Variants in SPIRE2 observed in about 807,000 individuals in gnomAD.
The protein encoded by SPIRE2 is protein spire homolog 2.
Under a neutral mutation model 80.7 loss-of-function variants are expected in SPIRE2, and 76 were observed. That is an observed-to-expected ratio of 0.94 (90% CI 0.78 to 1.14). The LOEUF (loss-of-function observed/expected upper bound fraction) is 1.14. Ranked by LOEUF, SPIRE2 falls within the 50% of genes most tolerant of loss-of-function variation. SPIRE2 has a pLI of 0.00. For missense variants in SPIRE2, 1,196 were observed against 1,015.3 expected (o/e 1.18, Z -2.42); for synonymous variants, 535 against 432.6 (o/e 1.24, Z -2.94).
chr16:89,850,261 C>A (rs755201300), intron 2 of SPIRE2, 43 bp from the exon 3 acceptor site: 4 of 1,556,578 alleles, frequency 2.6e-6, no homozygotes, highest in Admixed American at 1.7e-5. Flanking sequence ...CCCCGCCCCA[C>A]CCCCCTGCAG....
intron 12 of SPIRE2, among the ~76,000 whole-genome samples, chr16:89,864,727 CCTGA>C (rs1344015234): frequency 1.3e-5 from 2 of 152,132 alleles, no homozygotes; most frequent in Non-Finnish European, 2.9e-5. Flanking sequence ...TTGCTCTAGG[CCTGA>C]CTGATACATC....
At chr16:89,854,709 G>T in intron 5 of SPIRE2, 58 bp downstream of exon 5, 1 of 1,451,032 alleles carries the variant, frequency 6.9e-7, no homozygotes, top group African/African-American at 1.4e-5. Flanking sequence ...TGAGCGGGGC[G>T]GACGCAGATG....
chr16:89,832,180 T>C (rs1437686640), intron 1 of SPIRE2, among the ~76,000 whole-genome samples: 1 of 152,172 alleles, frequency 6.6e-6, no homozygotes, highest in Non-Finnish European at 1.5e-5. Context: ...TGAAGGGGCA[T>C]CCTTTTCACC....
chr16:89,868,603 C>G (rs1434115628), intron 13 of SPIRE2, among the ~76,000 whole-genome samples: 1 of 152,124 alleles, frequency 6.6e-6, no homozygotes, highest in Non-Finnish European at 1.5e-5. Flanking sequence ...GTGGCTCACA[C>G]CTGTAATCCC....
rs1032832515 is a variant in SPIRE2, at chr16:89,850,606, C to A, written c.591C>A (p.Phe197Leu). 96 of 1,517,066 alleles carry A rather than the reference C, an allele frequency of 6.3e-5. 1 individual carries two copies. Among genetic ancestry groups the A allele is most frequent in the Non-Finnish European group, 8.3e-5 (95 of 1,138,604 alleles). The allele number at this position is 1,517,066 out of a possible 1,614,324, so 94.0% of individuals were successfully genotyped here. Residue 197 changes from phenylalanine to leucine, a missense_variant, in exon 3 of 15, where the codon TTC becomes TTA. Physicochemically the swap from Phe to Leu is conservative, Grantham distance 22. Transcript: ENST00000378247. ...ACCAGGCCGTGTGCCGCGCGCTCTT[C>A]GTGGAGACGCTGGAGCTGCGGGCCT... ...AHYQAVCRAL[F>L]VETLELRAFL...
intron 1 of SPIRE2, among the ~76,000 whole-genome samples, chr16:89,835,426 A>G (rs1477234716): frequency 6.6e-6 from 1 of 152,132 alleles, no homozygotes; most frequent in Non-Finnish European, 1.5e-5. Flanking sequence ...CACCAGCCTG[A>G]TGTTCACAGA....
At position 89,831,571 on chromosome 16, in the gene SPIRE2, G is replaced by A. The variant is rs1444730735; in HGVS notation, c.244+2777G>A. On this transcript the variant is annotated intron_variant, in intron 1 of 14. Coordinates refer to ENST00000378247, the MANE Select transcript of SPIRE2 (RefSeq NM_032451.2). ...CGCCACCACGCCCGGCTAATTTTTT[G>A]TATTTTTAGTAGAGACTGGGTTTCA... 1.3e-5 allele frequency among the ~76,000 whole-genome samples: 2 copies of A among 149,950 alleles called. 1 individual carries two copies. The highest frequency in any genetic ancestry group is 3.0e-5 in the Non-Finnish European group (2 of 66,868).
chr16:89,840,145 C>T (rs1392902211), intron 1 of SPIRE2, among the ~76,000 whole-genome samples: 1 of 152,170 alleles, frequency 6.6e-6, no homozygotes, highest in Non-Finnish European at 1.5e-5. Context: ...CCACCACCCA[C>T]CTCCCTGCAG....
chr16:89,846,320 C>A (rs908977195), intron 2 of SPIRE2: 3 of 124,604 alleles, frequency 2.4e-5, no homozygotes, highest in Admixed American at 8.8e-5. Flanking sequence ...AGCCACTGTG[C>A]CTGGCCTCTT....
rs763437882 is a variant in SPIRE2, at chr16:89,868,224, C to A, written c.1806+8C>A. 1 of 1,613,926 alleles carries A rather than the reference C, an allele frequency of 6.2e-7. No homozygotes were observed. On this transcript the variant is annotated splice_region_variant and intron_variant, in intron 13 of 14. Transcript: ENST00000378247. ...ACTTCCTGTAGCATAAAGGTGAGGA[C>A]CATGTGGGATCTCTGGGGTCTGAGC...
rs765753973 is a variant in SPIRE2 at position 89,855,659 on chromosome 16, T to C, written c.951T>C (p.Phe317=). 9 of 1,612,652 alleles carry C rather than the reference T, an allele frequency of 5.6e-6. No homozygotes were observed. In the East Asian group the frequency reaches 8.9e-5, roughly 16 times the overall value. ...KKDAHELILD[F]IRSRPPLKQV... ...ACGCTCACGAGCTCATCCTGGACTT[T>C]ATCCGCTCACGGCCTCCACTGAAGC... is the stretch of plus-strand genomic sequence containing the variant. Residue 317 remains phenylalanine (F), a synonymous_variant, in exon 6 of 15, where the codon TTT becomes TTC. Coordinates refer to ENST00000378247, the MANE Select transcript of SPIRE2 (RefSeq NM_032451.2).
chr16:89,870,037 T>TC lies in SPIRE2; in HGVS notation c.1923-10dup, dbSNP rs1246656651. ...CTGGCTCCTCTCCCTGAGTGCCCTC[T>TC]CCCACTTCCCAGGTCTCTGCAAGGG... On this transcript the variant is annotated splice_polypyrimidine_tract_variant and intron_variant, in intron 14 of 14. Transcript: ENST00000378247. 9 of 1,608,664 alleles carry TC rather than the reference T, an allele frequency of 5.6e-6. No homozygotes were observed. The highest frequency in any genetic ancestry group is 7.6e-6 in the Non-Finnish European group (9 of 1,177,956).
At chr16:89,830,940 C>T (rs895578726) in intron 1 of SPIRE2, among the ~76,000 whole-genome samples, 8 of 143,964 alleles carry the variant, frequency 5.6e-5, no homozygotes, top group African/African-American at 1.0e-4. Context: ...GAGGGAGTCT[C>T]GCTCTGTTGC....
chr16:89,870,940 G>T lies in SPIRE2; in HGVS notation c.*668G>T, dbSNP rs2041834430. 6.5e-6 allele frequency: 1 copy of T among 152,702 alleles called. No homozygotes were observed. Among genetic ancestry groups the T allele is most frequent in the Non-Finnish European group, 1.5e-5 (1 of 68,448 alleles). 9.5% of individuals were successfully genotyped at this position (152,702 alleles called of 1,614,324 possible). ...GTCTCTACTGAAAATGCAAAAATTA[G>T]CCAGGTATAGTGGCAGGAACCTGTA... is the stretch of plus-strand genomic sequence containing the variant. On this transcript the variant is annotated 3_prime_UTR_variant, in exon 15 of 15. Transcript: ENST00000378247.
rs1366322144 is a variant in SPIRE2 at position 89,828,517 on chromosome 16, G to T, written c.-34G>T. 7 of 1,031,344 alleles carry T rather than the reference G, an allele frequency of 6.8e-6. No individual in the cohort carries two copies. In the South Asian group the frequency reaches 2.2e-4, roughly 33 times the overall value. The allele number at this position is 1,031,344 out of a possible 1,614,324, so 63.9% of individuals were successfully genotyped here. A position where few individuals can be genotyped will look rare whatever the true frequency, so the allele number is the denominator to read the frequency against. ...CGGAAGGCGCGGCTGCATGGACGCG[G>T]GTCCGGCGCGCGGGAGGCGATGACG... On this transcript the variant is annotated 5_prime_UTR_variant, in exon 1 of 15. Transcript: ENST00000378247. This position sits in a 1 kb window ranked among gnomAD's most constrained non-coding sequence, Gnocchi z 5.9.
rs565163344 is a variant in SPIRE2, at chr16:89,870,435, T to C, written c.*163T>C. 2.4e-4 allele frequency: 139 copies of C among 572,400 alleles called. No individual in the cohort carries two copies. The highest frequency in any genetic ancestry group is 4.4e-4 in the East Asian group (15 of 34,324). 35.5% of individuals were successfully genotyped at this position (572,400 alleles called of 1,614,324 possible). Reference sequence around the variant, plus strand: ...ACTGTTTCCTGGCCCCAGAGCTCATTTGGGTTCAGGCGCACTTCAAAACCC... The same window carrying C: ...ACTGTTTCCTGGCCCCAGAGCTCATCTGGGTTCAGGCGCACTTCAAAACCC... On this transcript the variant is annotated 3_prime_UTR_variant, in exon 15 of 15. Coordinates refer to ENST00000378247, the MANE Select transcript of SPIRE2 (RefSeq NM_032451.2).
In SPIRE2 at chr16:89,844,838, A is replaced by C. The variant is rs904234714; in HGVS notation, c.245-484A>C. ...CTGCTAGCAGCTCTCCCACCTCGGC[A>C]TCTCAAAGTGCTGGGATTATAGGTG... is the stretch of plus-strand genomic sequence containing the variant. On this transcript the variant is annotated intron_variant, in intron 1 of 14. Transcript: ENST00000378247. Among the ~76,000 whole-genome samples the C allele has an allele frequency of 2.6e-5, 4 of 152,242 alleles. No homozygotes were observed. In the South Asian group the frequency reaches 6.2e-4, roughly 24 times the overall value.
At chr16:89,868,388 C>G (rs912449489) in intron 13 of SPIRE2, among the ~76,000 whole-genome samples, 172 bp downstream of exon 13, 1 of 152,210 alleles carries the variant, frequency 6.6e-6, no homozygotes. Context: ...AAGACCCTTA[C>G]AGGTTTTTGT....
intron 1 of SPIRE2, among the ~76,000 whole-genome samples, chr16:89,831,030 C>G (rs1333605474): frequency 5.4e-5 from 8 of 148,862 alleles, no homozygotes; most frequent in East Asian, 2.0e-4. Flanking sequence ...CTGCCTCAGC[C>G]TCCCGAGTAG....
Sources: allele counts gnomAD v4.1 joint callset (sites outside exome capture counted in the v4.1 genomes callset), GRCh38; gene constraint gnomAD v4.1.1; non-coding constraint Gnocchi (gnomAD v3.1); transcripts MANE v1.5; gene names NCBI Gene and HGNC (gene_info 2026-07-23, HGNC 2026-07-21).